The following NUP210L variants were observed in gnomAD, a reference collection of about 807,000 sequenced individuals.
NUP210L encodes nucleoporin 210 like, also known as nuclear pore membrane glycoprotein 210-like.
A neutral mutation model predicts 208.5 loss-of-function variants in NUP210L; 74 were observed. The ratio of observed to expected loss-of-function variants is 0.35; its 90% CI spans 0.29 to 0.43. The LOEUF is 0.43. NUP210L is among the 20% of genes least tolerant of loss of function. The probability of loss-of-function intolerance (pLI) is 1.00; values close to 1 mark genes in which losing one functional copy is unlikely to be tolerated. For synonymous variants in NUP210L, 780 were observed against 816.9 expected (o/e 0.95, Z 0.77); for missense variants, 1,843 against 2,289.4 (o/e 0.81, Z 3.98).
intron 28 of NUP210L, 40 bp from the exon 29 acceptor site, chr1:154,027,637 A>G: frequency 7.3e-7 from 1 of 1,374,532 alleles, no homozygotes; most frequent in Non-Finnish European, 1.0e-6. Context: ...TGGCAAAGAC[A>G]AATTATGACT....
intron 12 of NUP210L, among the ~76,000 whole-genome samples, chr1:154,110,329 T>C (rs1209810829): frequency 1.3e-5 from 2 of 149,310 alleles, no homozygotes; most frequent in Admixed American, 1.3e-4. Context: ...CAGAGTGCTG[T>C]GGTGCAATCT....
At chr1:154,104,347 C>T (rs1656637366) in intron 12 of NUP210L, 137 bp from the exon 13 acceptor site, 1 of 677,864 alleles carries the variant, frequency 1.5e-6, no homozygotes. Context: ...ACTATCCATA[C>T]AAGAAGTCAC....
At chr1:154,005,474 C>T (rs1016195628) in intron 35 of NUP210L, among the ~76,000 whole-genome samples, 4 of 151,914 alleles carry the variant, frequency 2.6e-5, no homozygotes, top group South Asian at 2.1e-4. Context: ...GGTGATCCAC[C>T]GCCTTGGCCT....
intron 33 of NUP210L, 34 bp from the exon 34 acceptor site, chr1:154,012,404 G>T: frequency 1.2e-6 from 2 of 1,600,776 alleles, no homozygotes; most frequent in South Asian, 2.3e-5. Flanking sequence ...CTGCACCTAA[G>T]TTCCTAGAGA....
At chr1:154,135,919 C>T in exon 7 of NUP210L, 2 of 1,603,388 alleles carry the variant, frequency 1.2e-6, no homozygotes, top group Non-Finnish European at 1.7e-6. Context: ...CCGTTAAGTG[C>T]AACTCTATGG....
intron 27 of NUP210L, among the ~76,000 whole-genome samples, chr1:154,032,323 A>T (rs976324996): frequency 6.6e-6 from 1 of 152,186 alleles, no homozygotes; most frequent in Non-Finnish European, 1.5e-5. Flanking sequence ...TCCCATCAAC[A>T]GTATATGAGG....
intron 33 of NUP210L, among the ~76,000 whole-genome samples, chr1:154,016,445 C>T (rs189376945): frequency 6.6e-6 from 1 of 152,150 alleles, no homozygotes; most frequent in Admixed American, 6.6e-5. Flanking sequence ...GTTTACCTAT[C>T]TCACCTACTC....
intron 23 of NUP210L, among the ~76,000 whole-genome samples, chr1:154,055,141 TTC>T (rs1553228905): frequency 9.7e-6 from 1 of 102,600 alleles, no homozygotes; most frequent in Non-Finnish European, 1.9e-5. Context: ...CTTTCTTTCT[TTC>T]TTTCTTTCTT....
At chr1:154,121,529 G>T (rs1161045128) in intron 10 of NUP210L, among the ~76,000 whole-genome samples, 1 of 152,146 alleles carries the variant, frequency 6.6e-6, no homozygotes, top group Non-Finnish European at 1.5e-5. Flanking sequence ...TAAAAAAGAA[G>T]AAAGATATAA....
intron 27 of NUP210L, among the ~76,000 whole-genome samples, chr1:154,034,099 G>A (rs1367759794): frequency 6.6e-6 from 1 of 151,834 alleles, no homozygotes; most frequent in Non-Finnish European, 1.5e-5. Context: ...TTTCATGAGG[G>A]TTTTTGCATC....
intron 35 of NUP210L, among the ~76,000 whole-genome samples, chr1:154,006,817 C>CAT (rs376666558): frequency 0.11 from 12,102 of 114,306 alleles, 686 homozygotes; most frequent in African/African-American, 0.17. Context: ...CTTACCATGC[C>CAT]ATATATATAT....
At chr1:154,131,844 G>A (rs967239594) in intron 7 of NUP210L, among the ~76,000 whole-genome samples, 7 of 151,208 alleles carry the variant, frequency 4.6e-5, no homozygotes, top group African/African-American at 1.2e-4. Flanking sequence ...TCACTCCGTC[G>A]CCCAGGCTGG....
At chr1:154,105,232 G>A (rs534507203) in intron 12 of NUP210L, among the ~76,000 whole-genome samples, 2 of 148,362 alleles carry the variant, frequency 1.3e-5, no homozygotes, top group Non-Finnish European at 3.0e-5. Context: ...GCTCACGCAC[G>A]TAATCTCAGC....
At chr1:154,107,709 TAGAA>T (rs1399109278) in intron 12 of NUP210L, among the ~76,000 whole-genome samples, 1 of 151,624 alleles carries the variant, frequency 6.6e-6, no homozygotes, top group Non-Finnish European at 1.5e-5. Context: ...CTACTAAAAA[TAGAA>T]AGAATAAGCT....
intron 27 of NUP210L, among the ~76,000 whole-genome samples, chr1:154,036,343 TG>T (rs1192507771): frequency 6.9e-6 from 1 of 145,926 alleles, no homozygotes; most frequent in African/African-American, 2.5e-5. Context: ...TGTGTGTGTG[TG>T]TGTGTGTGTG....
At chr1:154,029,935 C>T in exon 28 of NUP210L, 3 of 1,610,846 alleles carry the variant, frequency 1.9e-6, no homozygotes, top group Non-Finnish European at 2.5e-6. Flanking sequence ...ACAAATTCCC[C>T]TCAAACTGCC....
At chr1:154,043,823 C>T (rs939646757) in intron 27 of NUP210L, among the ~76,000 whole-genome samples, 2 of 151,436 alleles carry the variant, frequency 1.3e-5, no homozygotes, top group Middle Eastern at 3.4e-3. Flanking sequence ...GACGGGGTTA[C>T]ACCATGTTGG....
At chr1:154,106,714 G>A (rs375678346) in intron 12 of NUP210L, among the ~76,000 whole-genome samples, 1 of 152,346 alleles carries the variant, frequency 6.6e-6, no homozygotes, top group East Asian at 1.9e-4. Flanking sequence ...ACAAGAGTCT[G>A]CCTGGTAATC....
At chr1:154,114,033 C>T (rs915225144) in intron 12 of NUP210L, among the ~76,000 whole-genome samples, 6 of 151,570 alleles carry the variant, frequency 4.0e-5, no homozygotes, top group African/African-American at 1.5e-4. Flanking sequence ...ATCCCAGCTA[C>T]TCGGGAGGCT....
Sources: allele counts gnomAD v4.1 joint callset (sites outside exome capture counted in the v4.1 genomes callset), GRCh38; gene constraint gnomAD v4.1.1; transcripts MANE v1.5; gene names NCBI Gene and HGNC (gene_info 2026-07-23, HGNC 2026-07-21).